Variants in FBXO27 observed in about 807,000 individuals in gnomAD.
FBXO27 encodes the protein F-box protein 27.
Under a neutral mutation model 28.3 loss-of-function variants are expected in FBXO27, and 28 were observed. The observed-to-expected ratio is 0.99, with a 90% CI of 0.73 to 1.36. The LOEUF (loss-of-function observed/expected upper bound fraction) is 1.36. Among genes scored for constraint, FBXO27 ranks in the 40% most tolerant of loss-of-function variants. The pLI, the probability that FBXO27 is intolerant of heterozygous loss-of-function variation, is 0.00. For missense variants in FBXO27, 388 were observed against 394.1 expected (o/e 0.98, Z 0.13); for synonymous variants, 175 against 167.3 (o/e 1.05, Z -0.36).
At chr19:39,029,543 C>T (rs914726263) in intron 4 of FBXO27, among the ~76,000 whole-genome samples, 5 of 151,490 alleles carry the variant, frequency 3.3e-5, no homozygotes, top group African/African-American at 1.2e-4. Context: ...GGGCTTTTTT[C>T]CTATAAAACT....
rs2072869922 is a variant in FBXO27 at position 39,025,761 on chromosome 19, T to C, written c.709-207A>G. ...GGTGCGGTATGGCTCGTGCCTGTAA[T>C]CCCAGCACTTTGGGAGGCCGAGGCA... On this transcript the variant is annotated intron_variant, in intron 5 of 5. Transcript: ENST00000292853. 2.0e-5 allele frequency among the ~76,000 whole-genome samples: 3 copies of C among 152,154 alleles called. No homozygotes were observed. In the South Asian group the frequency reaches 6.2e-4, roughly 31 times the overall value.
chr19:39,023,464 T>C (rs1019523365), downstream of FBXO27, among the ~76,000 whole-genome samples: 6 of 152,192 alleles, frequency 3.9e-5, no homozygotes, highest in African/African-American at 1.4e-4. Context: ...GGGAAAGTCT[T>C]GGCCCTTTCT....
chr19:39,008,721 G>A (rs560012832), intron 2 of FBXO27, among the ~76,000 whole-genome samples: 1 of 152,150 alleles, frequency 6.6e-6, no homozygotes, highest in Admixed American at 6.6e-5. Context: ...CCGATTCTGG[G>A]CAATTCATAT....
At chr19:39,027,099 AT>A in intron 4 of FBXO27, 94 bp from the exon 5 acceptor site, 1 of 1,501,154 alleles carries the variant, frequency 6.7e-7, no homozygotes, top group Non-Finnish European at 9.1e-7. Context: ...ATGTGTGCAA[AT>A]CCAGTTCCTC....
chr19:39,024,293 C>G lies in FBXO27; in HGVS notation c.*1118G>C, dbSNP rs958012388. 1.3e-5 allele frequency: 2 copies of G among 152,012 alleles called. No individual in the cohort carries two copies. Among genetic ancestry groups the G allele is most frequent in the African/African-American group, 4.8e-5 (2 of 41,286 alleles). 9.4% of individuals were successfully genotyped at this position (152,012 alleles called of 1,614,324 possible). On this transcript the variant is annotated 3_prime_UTR_variant, in exon 6 of 6. Coordinates refer to ENST00000292853, the MANE Select transcript of FBXO27 (RefSeq NM_178820.5). ...CCAGGCTGGAGTGCAGTGGTATGAT[C>G]ATGGCTCACTATAGCCTCAACCTGG...
chr19:39,032,123 C>A lies in FBXO27; in HGVS notation c.105G>T (p.Leu35=). The A allele has an allele frequency of 6.5e-7, 1 of 1,537,236 alleles. No homozygotes were observed. Among genetic ancestry groups the A allele is most frequent in the Non-Finnish European group, 8.7e-7 (1 of 1,149,698 alleles). ...GCGGGGGGACGTGGCTCAGCACCAC[C>A]AGAAGCAGCTCTGGGGGTAGTTGGC... The part of the protein sequence containing the change: ...DLSQLPPELL[L]VVLSHVPPRT... Residue 35 remains leucine, a synonymous_variant, in exon 2 of 6, where the codon CTG becomes CTT. Coordinates refer to ENST00000292853, the MANE Select transcript of FBXO27 (RefSeq NM_178820.5). The surrounding 1 kb of genome is among the most constrained non-coding windows in gnomAD (Gnocchi z 4.7).
At chr19:39,031,409 T>G in intron 2 of FBXO27, 89 bp from the exon 3 acceptor site, 1 of 1,189,536 alleles carries the variant, frequency 8.4e-7, no homozygotes, top group South Asian at 1.4e-5. Context: ...TCCCACGTGC[T>G]CACAGTGCAG....
Position 39,032,280 on chromosome 19 carries a change from C to G in FBXO27, c.-26-27G>C. On this transcript the variant is annotated intron_variant, in intron 1 of 5. Coordinates refer to ENST00000292853, the MANE Select transcript of FBXO27 (RefSeq NM_178820.5). This position sits in a 1 kb window ranked among gnomAD's most constrained non-coding sequence, Gnocchi z 4.7. ...TGCGGGAGAGGAAGGGTCAAGGCGTCAGGGACCAGCAGCCTCCGCGGCGCG... is the reference window on the plus strand; with the variant it reads ...TGCGGGAGAGGAAGGGTCAAGGCGTGAGGGACCAGCAGCCTCCGCGGCGCG... 7.2e-7 allele frequency: 1 copy of G among 1,381,776 alleles called. No homozygotes were observed. Among genetic ancestry groups the G allele is most frequent in the Non-Finnish European group, 9.3e-7 (1 of 1,078,400 alleles). The allele number at this position is 1,381,776 out of a possible 1,614,324, so 85.6% of individuals were successfully genotyped here.
chr19:39,032,064 CG>C lies in FBXO27; in HGVS notation c.163del (p.Arg55GlyfsTer15). On this transcript the variant is annotated frameshift_variant, in exon 2 of 6. Coordinates refer to ENST00000292853, the MANE Select transcript of FBXO27 (RefSeq NM_178820.5). LOFTEE classifies it high-confidence loss of function. This position sits in a 1 kb window ranked among gnomAD's most constrained non-coding sequence, Gnocchi z 4.7. ...TLLGRCRQVC[R>X]GWRALVDGQA... ...GCCGTCCACCAGGGCTCGCCAGCCCCGGCACACTTGGCGGCAGCGCCCGAGC... is the reference window on the plus strand; with the variant it reads ...GCCGTCCACCAGGGCTCGCCAGCCCCGCACACTTGGCGGCAGCGCCCGAGC... 2 of 1,532,150 alleles carry C rather than the reference CG, an allele frequency of 1.3e-6. No homozygotes were observed. Among genetic ancestry groups the C allele is most frequent in the African/African-American group, 1.4e-5 (1 of 69,582 alleles). The allele number at this position is 1,532,150 out of a possible 1,614,324, so 94.9% of individuals were successfully genotyped here.
downstream of FBXO27, among the ~76,000 whole-genome samples, chr19:39,021,683 G>A (rs7250671): frequency 0.33 from 49,653 of 151,394 alleles, 9,585 homozygotes; most frequent in Middle Eastern, 0.44. Flanking sequence ...TTTTTTTTGA[G>A]ATGGAGTCTT....
intron 1 of FBXO27, among the ~76,000 whole-genome samples, chr19:39,015,176 G>A (rs1177935814): frequency 6.6e-6 from 1 of 151,444 alleles, no homozygotes; most frequent in Non-Finnish European, 1.5e-5. Flanking sequence ...AACATTAGTT[G>A]AATGTGGTGG....
chr19:39,010,748 T>A (rs2072790646), intron 2 of FBXO27, among the ~76,000 whole-genome samples: 1 of 152,260 alleles, frequency 6.6e-6, no homozygotes, highest in African/African-American at 2.4e-5. Flanking sequence ...TAGATATAAA[T>A]GACTGCAAAA....
chr19:39,025,670 G>T, intron 5 of FBXO27, 116 bp from the exon 6 acceptor site: 1 of 1,294,294 alleles, frequency 7.7e-7, no homozygotes, highest in Non-Finnish European at 1.0e-6. Context: ...TCTCCAATTG[G>T]GCCACATGTT....
At chr19:39,016,397 GGGATATA>G (rs1400216129) in intron 1 of FBXO27, among the ~76,000 whole-genome samples, 1 of 151,686 alleles carries the variant, frequency 6.6e-6, no homozygotes, top group African/African-American at 2.4e-5. Flanking sequence ...TGGGGGAAAC[GGGATATA>G]GGAGAACTCT....
At chr19:39,020,721 A>G (rs2072841007), downstream of FBXO27, among the ~76,000 whole-genome samples, 1 of 145,460 alleles carries the variant, frequency 6.9e-6, no homozygotes, top group Admixed American at 7.1e-5. Context: ...AACAGAGCCA[A>G]TCAAGGAAAT....
intron 1 of FBXO27, among the ~76,000 whole-genome samples, chr19:39,018,062 C>T (rs911828409): frequency 3.9e-5 from 6 of 152,152 alleles, no homozygotes; most frequent in African/African-American, 1.4e-4. Context: ...CTCGCTGCAA[C>T]CTCCACCTCC....
downstream of FBXO27, among the ~76,000 whole-genome samples, chr19:39,021,758 G>C (rs576879810): frequency 2.6e-4 from 39 of 152,132 alleles, no homozygotes; most frequent in African/African-American, 8.0e-4. Context: ...TGCCTCCTGG[G>C]TTCAAGCGAT....
chr19:39,020,314 G>A (rs2072839247), downstream of FBXO27, among the ~76,000 whole-genome samples: 1 of 152,002 alleles, frequency 6.6e-6, no homozygotes, highest in African/African-American at 2.4e-5. Flanking sequence ...CCTTCTTCTG[G>A]ATTGGTTCCA....
Position 39,032,153 on chromosome 19 carries a change from G to C in FBXO27, c.75C>G (p.Asp25Glu), listed in dbSNP as rs2072909924. The C allele has an allele frequency of 6.5e-7, 1 of 1,539,592 alleles. No individual in the cohort carries two copies. The highest frequency in any genetic ancestry group is 2.7e-5 in the East Asian group (1 of 37,470). ...APEPEPEEAL[D>E]LSQLPPELLL... ...GCAGCTCTGGGGGTAGTTGGCTCAG[G>C]TCCAGCGCCTCTTCGGGTTCCGGCT... Residue 25 changes from aspartate to glutamate, a missense_variant, in exon 2 of 6, where the codon GAC becomes GAG. Transcript: ENST00000292853. The surrounding 1 kb of genome is among the most constrained non-coding windows in gnomAD (Gnocchi z 4.7).
Sources: allele counts gnomAD v4.1 joint callset (sites outside exome capture counted in the v4.1 genomes callset), GRCh38; gene constraint gnomAD v4.1.1; non-coding constraint Gnocchi (gnomAD v3.1); transcripts MANE v1.5; gene names NCBI Gene and HGNC (gene_info 2026-07-23, HGNC 2026-07-21).